The following CERS6 variants were observed in gnomAD, a reference collection of about 807,000 sequenced individuals.
The protein encoded by CERS6 is ceramide synthase 6, also known as LAG1 homolog, ceramide synthase 6.
A neutral mutation model predicts 56.8 loss-of-function variants in CERS6; 26 were observed. That is an observed-to-expected ratio of 0.46 (90% CI 0.34 to 0.63). CERS6 has a LOEUF of 0.63. CERS6 is among the 30% of genes least tolerant of loss of function. The pLI is 0.01. For missense variants in CERS6, 415 were observed against 467.5 expected (o/e 0.89, Z 1.04); for synonymous variants, 164 against 173.3 (o/e 0.95, Z 0.42).
intron 8 of CERS6, among the ~76,000 whole-genome samples, chr2:168,734,490 A>G (rs1259659531): frequency 1.3e-5 from 2 of 152,204 alleles, no homozygotes; most frequent in Non-Finnish European, 2.9e-5. Flanking sequence ...TGCCACTATA[A>G]ATAGGAAGCT....
At chr2:168,752,618 T>C (rs1228718381) in intron 8 of CERS6, among the ~76,000 whole-genome samples, 7 of 152,186 alleles carry the variant, frequency 4.6e-5, no homozygotes, top group Admixed American at 3.9e-4. Flanking sequence ...GCGTGGCACG[T>C]AGCTGGCAGC....
chr2:168,525,320 T>G (rs556396230), intron 1 of CERS6, among the ~76,000 whole-genome samples: 6 of 152,328 alleles, frequency 3.9e-5, no homozygotes, highest in Non-Finnish European at 8.8e-5. Flanking sequence ...TTTTATCTGC[T>G]TCTCAGGTGA....
chr2:168,600,744 C>A (rs770560151), intron 3 of CERS6, among the ~76,000 whole-genome samples: 1 of 152,120 alleles, frequency 6.6e-6, no homozygotes, highest in Admixed American at 6.5e-5. Flanking sequence ...TGTAAACATT[C>A]CTTAAAGGCA....
intron 8 of CERS6, among the ~76,000 whole-genome samples, chr2:168,719,757 T>A (rs1687313049): frequency 6.6e-6 from 1 of 152,168 alleles, no homozygotes; most frequent in Non-Finnish European, 1.5e-5. Context: ...GCACTGCTCC[T>A]CCAGACTTCT....
At chr2:168,682,604 C>T (rs1036346468) in intron 4 of CERS6, among the ~76,000 whole-genome samples, 1 of 152,100 alleles carries the variant, frequency 6.6e-6, no homozygotes, top group Non-Finnish European at 1.5e-5. Flanking sequence ...TGCTCTTTCT[C>T]CAGAGCTGCA....
intron 1 of CERS6, among the ~76,000 whole-genome samples, chr2:168,511,141 C>T (rs940952877): frequency 2.0e-5 from 3 of 152,218 alleles, no homozygotes; most frequent in African/African-American, 7.2e-5. Context: ...GCATATGCTA[C>T]ACAGCCATCT....
intron 8 of CERS6, among the ~76,000 whole-genome samples, chr2:168,734,215 G>A (rs996942844): frequency 2.0e-4 from 30 of 152,042 alleles, no homozygotes; most frequent in African/African-American, 6.3e-4. Flanking sequence ...GATAGTGGAC[G>A]TAGACTACTT....
At chr2:168,695,123 T>C (rs961532780) in intron 6 of CERS6, 72 bp downstream of exon 6, 2 of 1,163,454 alleles carry the variant, frequency 1.7e-6, no homozygotes, top group Admixed American at 1.7e-5. Context: ...GGGTTTAGAC[T>C]CTCAAAGGCA....
At position 168,477,215 on chromosome 2, in the gene CERS6, G is replaced by GTC. The variant is rs1694093423; in HGVS notation, c.170+20597_170+20598insTC. On this transcript the variant is annotated intron_variant, in intron 1 of 9. Transcript: ENST00000305747. The stretch of plus-strand genomic sequence containing the variant: ...AGAGAGAGAGAGAGAGAGAGAGAGA[G>GTC]AGAGTCTCATAGGGCACTAATTCCA... Among the ~76,000 whole-genome samples, 4 of 132,986 alleles carry GTC rather than the reference G, an allele frequency of 3.0e-5. No homozygotes were observed. The South Asian group carries it at 9.1e-4, about 30-fold the overall frequency. The allele number at this position is 132,986 out of a possible 152,430, so 87.2% of individuals were successfully genotyped here.
intron 8 of CERS6, among the ~76,000 whole-genome samples, chr2:168,719,728 T>G: frequency 6.6e-6 from 1 of 152,192 alleles, no homozygotes; most frequent in East Asian, 1.9e-4. Context: ...TACACCATGA[T>G]TAGCCTTTTA....
chr2:168,721,692 C>T (rs1683174515), intron 8 of CERS6, among the ~76,000 whole-genome samples: 1 of 150,954 alleles, frequency 6.6e-6, no homozygotes, highest in East Asian at 2.0e-4. Flanking sequence ...CATCATAGCT[C>T]ATTGCAGCCT....
chr2:168,574,270 G>A (rs1683194474), intron 3 of CERS6, among the ~76,000 whole-genome samples: 1 of 151,980 alleles, frequency 6.6e-6, no homozygotes, highest in South Asian at 2.1e-4. Flanking sequence ...ATGAATCCTG[G>A]CTAAATCTTT....
Position 168,575,711 on chromosome 2 carries a change from A to G in CERS6, c.407+14389A>G, listed in dbSNP as rs546057769. On this transcript the variant is annotated intron_variant, in intron 3 of 9. Transcript: ENST00000305747. The stretch of plus-strand genomic sequence containing the variant: ...TCTGTGTGGACTCCCTTCTTGAACA[A>G]GTTTTTATTCTTTTCCTAAGAATTT... Among the ~76,000 whole-genome samples the G allele has an allele frequency of 2.6e-5, 4 of 152,216 alleles. No individual in the cohort carries two copies. In the East Asian group the frequency reaches 5.8e-4, roughly 22 times the overall value.
intron 1 of CERS6, among the ~76,000 whole-genome samples, chr2:168,486,109 T>C (rs1694270018): frequency 6.6e-6 from 1 of 152,178 alleles, no homozygotes; most frequent in Non-Finnish European, 1.5e-5. Context: ...CATATGATAT[T>C]GAACATCTTT....
chr2:168,495,122 C>G (rs1298830801), intron 1 of CERS6, among the ~76,000 whole-genome samples: 7 of 152,088 alleles, frequency 4.6e-5, no homozygotes, highest in Admixed American at 3.9e-4. Context: ...CAAAATTGTC[C>G]TCATTGGGAA....
chr2:168,745,856 C>A (rs111719710), intron 8 of CERS6, among the ~76,000 whole-genome samples: 1 of 152,180 alleles, frequency 6.6e-6, no homozygotes. Context: ...CTACCTTCAA[C>A]GTCATCAAGC....
At chr2:168,483,342 T>C (rs1180545496) in intron 1 of CERS6, among the ~76,000 whole-genome samples, 2 of 152,058 alleles carry the variant, frequency 1.3e-5, no homozygotes, top group Non-Finnish European at 2.9e-5. Context: ...GTGGAAGCTC[T>C]GTGTGCTTAT....
intron 3 of CERS6, 69 bp downstream of exon 3, chr2:168,561,391 A>G: frequency 6.3e-7 from 1 of 1,586,966 alleles, no homozygotes; most frequent in Non-Finnish European, 8.6e-7. Context: ...GTGAAAAATA[A>G]AAGATCTGTG....
intron 1 of CERS6, among the ~76,000 whole-genome samples, chr2:168,495,575 G>A (rs891566599): frequency 2.6e-5 from 4 of 152,142 alleles, no homozygotes; most frequent in Admixed American, 2.0e-4. Flanking sequence ...TTCCCAGGAG[G>A]GTGAAGGGCC....
Sources: gnomAD v4.1 joint callset for allele counts (sites outside exome capture counted in the v4.1 genomes callset) on GRCh38, gnomAD v4.1.1 for gene constraint, MANE v1.5 for transcripts, NCBI Gene and HGNC (gene_info 2026-07-23, HGNC 2026-07-21) for gene names.